DTNBP1: variants seen among roughly 807,000 people sequenced by gnomAD.
DTNBP1 encodes the protein dysbindin.
A neutral mutation model predicts 42.8 loss-of-function variants in DTNBP1; 35 were observed. The ratio of observed to expected loss-of-function variants is 0.82; its 90% CI spans 0.63 to 1.09. The LOEUF is 1.09. Among genes scored for constraint, DTNBP1 ranks in the 50% least tolerant of loss-of-function variants. The probability of loss-of-function intolerance (pLI) is 0.00; values close to 1 mark genes in which losing one functional copy is unlikely to be tolerated. For missense variants in DTNBP1, 457 were observed against 424.2 expected (o/e 1.08, Z -0.68); for synonymous variants, 171 against 162.2 (o/e 1.05, Z -0.41).
chr6:15,628,428 G>C (rs1186339270), intron 4 of DTNBP1, among the ~76,000 whole-genome samples: 1 of 106,352 alleles, frequency 9.4e-6, no homozygotes, highest in Non-Finnish European at 1.8e-5. Context: ...TTTTTGAGAC[G>C]AAGTTTCGCT....
Position 15,542,383 on chromosome 6 carries a change from G to GT in DTNBP1, c.512-8989dup, listed in dbSNP as rs913349361. On this transcript the variant is annotated intron_variant, in intron 7 of 9. Coordinates refer to ENST00000344537, the MANE Select transcript of DTNBP1 (RefSeq NM_032122.5). Reference sequence around the variant, plus strand: ...TGATTTGTTTTGTTTTTTGTTTTTTGTTTTTTTTAGACGGAATCTCACTCT... The same window carrying GT: ...TGATTTGTTTTGTTTTTTGTTTTTTGTTTTTTTTTAGACGGAATCTCACTCT... 4.8e-4 allele frequency among the ~76,000 whole-genome samples: 73 copies of GT among 151,492 alleles called. 1 individual carries two copies. Among genetic ancestry groups the GT allele is most frequent in the East Asian group, 5.8e-4 (3 of 5,152 alleles).
intron 7 of DTNBP1, among the ~76,000 whole-genome samples, chr6:15,549,779 A>T (rs1334105735): frequency 1.3e-5 from 2 of 152,080 alleles, no homozygotes; most frequent in Non-Finnish European, 2.9e-5. Context: ...GATCCTTTCA[A>T]CTCTTCAGAG....
intron 6 of DTNBP1, among the ~76,000 whole-genome samples, chr6:15,608,010 C>CT (rs1321477340): frequency 6.6e-6 from 1 of 151,972 alleles, no homozygotes; most frequent in African/African-American, 2.4e-5. Context: ...AATATTTATT[C>CT]TTTTTTCAAT....
At chr6:15,535,483 A>T (rs953776021) in intron 7 of DTNBP1, among the ~76,000 whole-genome samples, 1 of 151,902 alleles carries the variant, frequency 6.6e-6, no homozygotes, top group Non-Finnish European at 1.5e-5. Context: ...TGCCCAGCTA[A>T]TTTTTTGTAT....
chr6:15,597,375 C>T (rs561994062), intron 6 of DTNBP1, among the ~76,000 whole-genome samples: 1 of 152,202 alleles, frequency 6.6e-6, no homozygotes, highest in South Asian at 2.1e-4. Flanking sequence ...CAACATTTAT[C>T]GAGAACATGG....
intron 5 of DTNBP1, among the ~76,000 whole-genome samples, chr6:15,618,592 C>T (rs1166108133): frequency 2.6e-5 from 4 of 151,118 alleles, no homozygotes; most frequent in Non-Finnish European, 4.4e-5. Flanking sequence ...CTGTCAAGAA[C>T]GCGGAGAAAC....
chr6:15,620,007 A>G (rs984621457), intron 5 of DTNBP1, among the ~76,000 whole-genome samples: 3 of 152,056 alleles, frequency 2.0e-5, no homozygotes, highest in Admixed American at 1.3e-4. Context: ...TGTAAGGCTT[A>G]AAAACATGAA....
At chr6:15,593,438 C>A (rs1017213047) in intron 6 of DTNBP1, among the ~76,000 whole-genome samples, 3 of 152,202 alleles carry the variant, frequency 2.0e-5, no homozygotes, top group Admixed American at 2.0e-4. Flanking sequence ...AAGCACTTAA[C>A]ACAATTTTTC....
chr6:15,603,627 CTCTTGAGCT>C (rs1776814595), intron 6 of DTNBP1, among the ~76,000 whole-genome samples: 1 of 152,150 alleles, frequency 6.6e-6, no homozygotes, highest in South Asian at 2.1e-4. Flanking sequence ...CCTATAAATA[CTCTTGAGCT>C]TTGTTTGTTA....
rs1166111352 is a variant in DTNBP1 at position 15,587,197 on chromosome 6, A to G, written c.511+5862T>C. Among the ~76,000 whole-genome samples, 1 of 152,230 alleles carries G rather than the reference A, an allele frequency of 6.6e-6. No individual in the cohort carries two copies. Among genetic ancestry groups the G allele is most frequent in the African/African-American group, 2.4e-5 (1 of 41,476 alleles). On this transcript the variant is annotated intron_variant, in intron 7 of 9. Coordinates refer to ENST00000344537, the MANE Select transcript of DTNBP1 (RefSeq NM_032122.5). The surrounding 1 kb of genome is among the most constrained non-coding windows in gnomAD (Gnocchi z 4.1). ...ATAAGAATGAAATATTAAGGAATAA[A>G]TTTAAGACTCACATATTGAAAACAA...
At chr6:15,602,080 G>GAAAAC (rs913419109) in intron 6 of DTNBP1, among the ~76,000 whole-genome samples, 6 of 152,004 alleles carry the variant, frequency 3.9e-5, no homozygotes, top group East Asian at 1.9e-4. Flanking sequence ...AACCCTGTCT[G>GAAAAC]AAAACAAAAC....
intron 5 of DTNBP1, among the ~76,000 whole-genome samples, chr6:15,619,334 T>C (rs1166733829): frequency 3.9e-5 from 6 of 152,132 alleles, no homozygotes; most frequent in Admixed American, 3.9e-4. Flanking sequence ...ATATACACAA[T>C]TATGTGTCAA....
At chr6:15,529,357 G>C (rs889281358) in intron 8 of DTNBP1, among the ~76,000 whole-genome samples, 28 of 152,098 alleles carry the variant, frequency 1.8e-4, no homozygotes, top group African/African-American at 6.3e-4. Flanking sequence ...ATACATCAAT[G>C]AATAAATTAC....
chr6:15,526,747 G>A (rs965714673), intron 8 of DTNBP1, among the ~76,000 whole-genome samples: 6 of 152,184 alleles, frequency 3.9e-5, no homozygotes, highest in East Asian at 1.9e-4. Context: ...CTTTCGCCAA[G>A]GCCTGTCTTT....
At position 15,601,993 on chromosome 6, in the gene DTNBP1, C is replaced by T. The variant is rs577521054; in HGVS notation, c.489-8912G>A. ...ATCAAACCTCTCCAGTAGCATTAGCCGGGCACAATAATTCAAACCTGTAAT... is the reference window on the plus strand; with the variant it reads ...ATCAAACCTCTCCAGTAGCATTAGCTGGGCACAATAATTCAAACCTGTAAT... On this transcript the variant is annotated intron_variant, in intron 6 of 9. Coordinates refer to ENST00000344537, the MANE Select transcript of DTNBP1 (RefSeq NM_032122.5). Among the ~76,000 whole-genome samples, 103 of 151,950 alleles carry T rather than the reference C, an allele frequency of 6.8e-4. 1 individual carries two copies. Among genetic ancestry groups the T allele is most frequent in the Non-Finnish European group, 9.1e-4 (62 of 67,986 alleles).
chr6:15,602,080 GAAAAC>G (rs913419109), intron 6 of DTNBP1, among the ~76,000 whole-genome samples: 10 of 152,004 alleles, frequency 6.6e-5, no homozygotes, highest in African/African-American at 2.2e-4. Flanking sequence ...AACCCTGTCT[GAAAAC>G]AAAACAAAAC....
At chr6:15,599,758 GT>G (rs1776654693) in intron 6 of DTNBP1, among the ~76,000 whole-genome samples, 2 of 152,116 alleles carry the variant, frequency 1.3e-5, no homozygotes, top group African/African-American at 2.4e-5. Context: ...GTGTACTAGT[GT>G]TTAATGACTA....
chr6:15,550,812 G>A (rs1301480947), intron 7 of DTNBP1, among the ~76,000 whole-genome samples: 2 of 152,314 alleles, frequency 1.3e-5, no homozygotes, highest in East Asian at 3.9e-4. Flanking sequence ...GCAGGCTGGT[G>A]TTGCAGCCCA....
chr6:15,565,746 A>G (rs1775043515), intron 7 of DTNBP1, among the ~76,000 whole-genome samples: 1 of 152,196 alleles, frequency 6.6e-6, no homozygotes, highest in African/African-American at 2.4e-5. Context: ...ATATTCTAAA[A>G]CTGGATTATG....
Sources: gnomAD v4.1 joint callset for allele counts (sites outside exome capture counted in the v4.1 genomes callset) on GRCh38, gnomAD v4.1.1 for gene constraint, Gnocchi (gnomAD v3.1) non-coding constraint, MANE v1.5 for transcripts, NCBI Gene and HGNC (gene_info 2026-07-23, HGNC 2026-07-21) for gene names.